The following RORB variants were observed in gnomAD, a reference collection of about 807,000 sequenced individuals.
RORB encodes the protein RAR related orphan receptor B.
In RORB, 6 loss-of-function variants were observed where a neutral mutation model predicts 59.1. That is an observed-to-expected ratio of 0.10 (90% CI 0.06 to 0.20). The LOEUF is 0.20. Among genes scored for constraint, RORB ranks in the 10% least tolerant of loss-of-function variants. The pLI is 1.00. For missense variants in RORB, 320 were observed against 560.5 expected (o/e 0.57, Z 4.33); for synonymous variants, 215 against 204.5 (o/e 1.05, Z -0.44).
At chr9:74,675,301 G>GAA (rs5898373) in intron 9 of RORB, among the ~76,000 whole-genome samples, 45 of 145,360 alleles carry the variant, frequency 3.1e-4, no homozygotes, top group South Asian at 1.1e-3. Context: ...TAAAGCTCAT[G>GAA]AAAAAAAAAA....
chr9:74,665,445 T>A (rs778394039), intron 6 of RORB, 43 bp from the exon 7 acceptor site: 7 of 1,187,212 alleles, frequency 5.9e-6, no homozygotes. Context: ...TGGATATATA[T>A]GTGTATTTTT....
chr9:74,588,003 G>T (rs557955494), intron 1 of RORB, among the ~76,000 whole-genome samples: 1 of 152,224 alleles, frequency 6.6e-6, no homozygotes, highest in South Asian at 2.1e-4. Context: ...ACTAGATTTT[G>T]GTTATTGTTC....
chr9:74,649,374 C>T (rs1823954498), intron 4 of RORB, among the ~76,000 whole-genome samples: 1 of 152,110 alleles, frequency 6.6e-6, no homozygotes, highest in Admixed American at 6.5e-5. Context: ...AGAATATCTC[C>T]CAAAGCCTGC....
chr9:74,593,028 T>C (rs542245937), intron 1 of RORB, among the ~76,000 whole-genome samples: 10 of 152,260 alleles, frequency 6.6e-5, no homozygotes, highest in East Asian at 1.9e-4. Flanking sequence ...ACTCAAGGTA[T>C]CTTCAGGTAC....
intron 1 of RORB, among the ~76,000 whole-genome samples, chr9:74,627,163 A>AG (rs1823534693): frequency 6.6e-6 from 1 of 151,420 alleles, no homozygotes; most frequent in Non-Finnish European, 1.5e-5. Context: ...TCCATCTCAA[A>AG]AAAAAAAAAA....
intron 2 of RORB, among the ~76,000 whole-genome samples, chr9:74,632,925 T>A (rs1170991382): frequency 6.6e-6 from 1 of 152,170 alleles, no homozygotes; most frequent in African/African-American, 2.4e-5. Flanking sequence ...CAGTCAGAAG[T>A]CTCATTCTGC....
chr9:74,660,783 T>G, intron 5 of RORB, 45 bp downstream of exon 5: 1 of 1,583,884 alleles, frequency 6.3e-7, no homozygotes, highest in Non-Finnish European at 8.6e-7. Context: ...ATTACCCTAT[T>G]GCTGTGTTGC....
intron 1 of RORB, among the ~76,000 whole-genome samples, chr9:74,550,691 T>A (rs764810276): frequency 7.9e-5 from 12 of 152,196 alleles, no homozygotes; most frequent in Non-Finnish European, 1.5e-4. Flanking sequence ...AAGAAAGCAA[T>A]TGTCAGGTTG....
chr9:74,634,684 G>A lies in RORB; in HGVS notation c.147G>A (p.Gln49=). 1.2e-6 allele frequency: 2 copies of A among 1,613,644 alleles called. No homozygotes were observed. Among genetic ancestry groups the A allele is most frequent in the Non-Finnish European group, 1.7e-6 (2 of 1,179,702 alleles). ...QNNASYSCPR[Q]RNCLIDRTNR... ...ATGCTTCTTATTCCTGCCCAAGGCAGAGAAACTGTTTAATTGACAGAACGA... is the reference window on the plus strand; with the variant it reads ...ATGCTTCTTATTCCTGCCCAAGGCAAAGAAACTGTTTAATTGACAGAACGA... The change falls in exon 3 of 10, where the codon CAG becomes CAA. Residue 49 remains glutamine (Q), a synonymous_variant. Coordinates refer to ENST00000376896, the MANE Select transcript of RORB (RefSeq NM_006914.4).
chr9:74,608,875 T>C (rs1218105734), intron 1 of RORB, among the ~76,000 whole-genome samples: 3 of 152,210 alleles, frequency 2.0e-5, no homozygotes, highest in South Asian at 2.1e-4. Context: ...TTCTAAAGAA[T>C]TGACTAAATT....
rs184242734 is a variant in RORB, at chr9:74,551,231, A to G, written c.7+53248A>G. Among the ~76,000 whole-genome samples the G allele has an allele frequency of 7.7e-4, 117 of 152,328 alleles. 3 individuals carry two copies. The highest frequency in any genetic ancestry group is 7.3e-3 in the Admixed American group (111 of 15,306). ...AACTTTGGATAGTAGTAAACCCTAT[A>G]TACAGTATGATTTTTCCTTATTGTA... On this transcript the variant is annotated intron_variant, in intron 1 of 9. Transcript: ENST00000376896.
At chr9:74,538,952 G>C (rs1179169778) in intron 1 of RORB, among the ~76,000 whole-genome samples, 1 of 152,084 alleles carries the variant, frequency 6.6e-6, no homozygotes, top group African/African-American at 2.4e-5. Flanking sequence ...GAAGAAGATA[G>C]TGGCAGCTAT....
intron 1 of RORB, among the ~76,000 whole-genome samples, chr9:74,580,061 A>G (rs1469220869): frequency 6.6e-6 from 1 of 152,162 alleles, no homozygotes; most frequent in Non-Finnish European, 1.5e-5. Flanking sequence ...AAATTAAACT[A>G]TCATAGGTAG....
At chr9:74,593,194 C>G (rs138922793) in intron 1 of RORB, among the ~76,000 whole-genome samples, 8 of 152,034 alleles carry the variant, frequency 5.3e-5, no homozygotes, top group African/African-American at 1.9e-4. Context: ...AGGCCGGGCG[C>G]GGTGGCACAC....
At chr9:74,639,337 G>C (rs957276301) in intron 3 of RORB, among the ~76,000 whole-genome samples, 1 of 152,112 alleles carries the variant, frequency 6.6e-6, no homozygotes, top group African/African-American at 2.4e-5. Flanking sequence ...ACATGACCCT[G>C]GGCAGGATGC....
chr9:74,572,826 T>C (rs760977281), intron 1 of RORB, among the ~76,000 whole-genome samples: 1 of 152,194 alleles, frequency 6.6e-6, no homozygotes. Context: ...CAATTCCCAG[T>C]AGTACCACCT....
chr9:74,633,367 A>T (rs1823650905), intron 2 of RORB, among the ~76,000 whole-genome samples: 1 of 152,152 alleles, frequency 6.6e-6, no homozygotes. Flanking sequence ...AAGTCAGGGG[A>T]TCTATTCCAG....
intron 1 of RORB, among the ~76,000 whole-genome samples, chr9:74,605,853 G>C (rs866720921): frequency 1.2e-4 from 18 of 152,084 alleles, no homozygotes; most frequent in African/African-American, 4.1e-4. Context: ...ATTAGAATCA[G>C]GCTGGAGAGC....
intron 6 of RORB, among the ~76,000 whole-genome samples, chr9:74,664,954 A>G (rs1824242935): frequency 6.6e-6 from 1 of 152,228 alleles, no homozygotes; most frequent in Non-Finnish European, 1.5e-5. Context: ...TTCAATAAAT[A>G]TTTGCTTAGC....
Sources: allele counts gnomAD v4.1 joint callset (sites outside exome capture counted in the v4.1 genomes callset), GRCh38; gene constraint gnomAD v4.1.1; transcripts MANE v1.5; gene names NCBI Gene and HGNC (gene_info 2026-07-23, HGNC 2026-07-21).